ROBO2: variants seen among roughly 807,000 people sequenced by gnomAD.
ROBO2 encodes roundabout homolog 2.
ROBO2 carries 53 observed loss-of-function variants against 160.8 expected under a neutral mutation model. That is an observed-to-expected ratio of 0.33 (90% CI 0.26 to 0.41). The LOEUF is 0.41. Among genes scored for constraint, ROBO2 ranks in the 10% least tolerant of loss-of-function variants. ROBO2 has a pLI of 1.00. For synonymous variants in ROBO2, 664 were observed against 611.7 expected, an observed-to-expected ratio of 1.09 and a Z score of -1.26; for missense variants, 1,577 against 1,722.4, an observed-to-expected ratio of 0.92 and a Z score of 1.49.
At chr3:77,587,077 G>T (rs2153682485) in intron 16 of ROBO2, among the ~76,000 whole-genome samples, 1 of 152,126 alleles carries the variant, frequency 6.6e-6, no homozygotes, top group Non-Finnish European at 1.5e-5. Context: ...CTAATTCACA[G>T]CTCAGACCAA....
chr3:76,173,444 T>C (rs1213895333), intron 2 of ROBO2, among the ~76,000 whole-genome samples: 2 of 152,016 alleles, frequency 1.3e-5, no homozygotes, highest in Non-Finnish European at 1.5e-5. Context: ...TTGCTGCACC[T>C]GTCAATCCGT....
intron 2 of ROBO2, among the ~76,000 whole-genome samples, chr3:76,446,159 A>C (rs1008300476): frequency 2.0e-5 from 3 of 152,126 alleles, no homozygotes; most frequent in Non-Finnish European, 2.9e-5. Context: ...TCAGCCCAAA[A>C]TCTCCTTAAT....
At chr3:75,931,026 C>T (rs1035023364) in intron 1 of ROBO2, among the ~76,000 whole-genome samples, 2 of 152,216 alleles carry the variant, frequency 1.3e-5, no homozygotes, top group African/African-American at 2.4e-5. Flanking sequence ...TGGACTAAGA[C>T]CTATGTTCCT....
chr3:76,893,225 T>C (rs1226004520), intron 2 of ROBO2, among the ~76,000 whole-genome samples: 1 of 151,808 alleles, frequency 6.6e-6, no homozygotes, highest in Non-Finnish European at 1.5e-5. Context: ...TACACATGCA[T>C]TCAAATTCTG....
rs530637544 is a variant in ROBO2, at chr3:77,282,251, G to C, written c.388+183911G>C. On this transcript the variant is annotated intron_variant, in intron 2 of 25. Coordinates refer to ENST00000461745, the Ensembl canonical transcript of ROBO2. ...ATTGGGATTCATCATTATTTTCAGG[G>C]TTTTTCTCCTCCTTTTATGACTGAA... Among the ~76,000 whole-genome samples the C allele has an allele frequency of 1.3e-4, 19 of 151,866 alleles. No homozygotes were observed. The East Asian group carries it at 3.7e-3, about 29-fold the overall frequency.
At chr3:76,731,314 G>C (rs572251539) in intron 2 of ROBO2, among the ~76,000 whole-genome samples, 5 of 152,130 alleles carry the variant, frequency 3.3e-5, no homozygotes. Context: ...TCCTGAATAC[G>C]TAAATGCCAA....
At chr3:77,225,010 A>T (rs945899300) in intron 2 of ROBO2, among the ~76,000 whole-genome samples, 3 of 151,744 alleles carry the variant, frequency 2.0e-5, no homozygotes, top group Non-Finnish European at 4.4e-5. Context: ...TATTGTGAAA[A>T]TTTTTAAACA....
chr3:77,223,497 G>A (rs1348946322), intron 2 of ROBO2, among the ~76,000 whole-genome samples: 1 of 152,038 alleles, frequency 6.6e-6, no homozygotes, highest in Non-Finnish European at 1.5e-5. Flanking sequence ...CCAAGATTGA[G>A]TCCTGTAGAA....
intron 2 of ROBO2, among the ~76,000 whole-genome samples, chr3:76,097,227 T>C (rs371596911): frequency 6.6e-6 from 1 of 151,834 alleles, no homozygotes; most frequent in Non-Finnish European, 1.5e-5. Context: ...AGCCACAGAG[T>C]TGTTAAAAGA....
At chr3:76,103,871 G>A (rs754615439) in intron 2 of ROBO2, among the ~76,000 whole-genome samples, 6 of 152,264 alleles carry the variant, frequency 3.9e-5, no homozygotes, top group South Asian at 4.1e-4. Flanking sequence ...TGCTGTTGAC[G>A]CAGTGCTTAT....
chr3:76,934,958 A>ATTTTTTTTTTTTTTTT (rs151316771), intron 2 of ROBO2, among the ~76,000 whole-genome samples: 1 of 146,730 alleles, frequency 6.8e-6, no homozygotes. Context: ...AGGCTTCACA[A>ATTTTTTTTTTTTTTTT]ATTTTTTTTT....
At chr3:77,278,026 T>G (rs1293313575) in intron 2 of ROBO2, among the ~76,000 whole-genome samples, 1 of 152,180 alleles carries the variant, frequency 6.6e-6, no homozygotes, top group Non-Finnish European at 1.5e-5. Context: ...AGTATCTCAT[T>G]GTGGTTTTGA....
intron 2 of ROBO2, among the ~76,000 whole-genome samples, chr3:76,925,303 T>C (rs532589516): frequency 6.6e-4 from 100 of 152,190 alleles, no homozygotes; most frequent in Admixed American, 2.6e-4. Flanking sequence ...TGAAGATCTA[T>C]GAAGACTTGC....
chr3:76,475,232 T>C (rs1377432700), intron 2 of ROBO2, among the ~76,000 whole-genome samples: 2 of 152,144 alleles, frequency 1.3e-5, no homozygotes, highest in Admixed American at 1.3e-4. Context: ...CATGGAAATG[T>C]CTGTGGTAAA....
intron 2 of ROBO2, among the ~76,000 whole-genome samples, chr3:77,439,508 TC>T (rs2079684507): frequency 6.6e-6 from 1 of 152,166 alleles, no homozygotes; most frequent in South Asian, 2.1e-4. Context: ...ACTGCATTTT[TC>T]TCTTCTCTTA....
intron 2 of ROBO2, among the ~76,000 whole-genome samples, chr3:76,949,608 C>G (rs2078839078): frequency 1.3e-5 from 2 of 152,218 alleles, no homozygotes; most frequent in South Asian, 2.1e-4. Flanking sequence ...TTTCCCGTGT[C>G]CACAGACTGG....
chr3:77,330,253 C>T (rs2065846032), intron 2 of ROBO2, among the ~76,000 whole-genome samples: 1 of 152,182 alleles, frequency 6.6e-6, no homozygotes, highest in Non-Finnish European at 1.5e-5. Flanking sequence ...CACAGTAGCT[C>T]ATGCCTGTAA....
At chr3:76,530,624 G>A (rs2082173450) in intron 2 of ROBO2, among the ~76,000 whole-genome samples, 1 of 152,138 alleles carries the variant, frequency 6.6e-6, no homozygotes, top group Non-Finnish European at 1.5e-5. Flanking sequence ...AGTGATCTTA[G>A]ATTGGAAATA....
intron 2 of ROBO2, among the ~76,000 whole-genome samples, chr3:76,977,510 C>T (rs2059872823): frequency 6.6e-6 from 1 of 152,012 alleles, no homozygotes; most frequent in Non-Finnish European, 1.5e-5. Flanking sequence ...CAAAGAAAAG[C>T]TTTGTAATGG....
Sources: allele counts gnomAD v4.1 joint callset (sites outside exome capture counted in the v4.1 genomes callset), GRCh38; gene constraint gnomAD v4.1.1; transcripts MANE v1.5; gene names NCBI Gene and HGNC (gene_info 2026-07-23, HGNC 2026-07-21).